ERBB4: variants seen among roughly 807,000 people sequenced by gnomAD.
ERBB4 encodes the protein receptor tyrosine-protein kinase erbB-4.
A neutral mutation model predicts 158.0 loss-of-function variants in ERBB4; 42 were observed. That is an observed-to-expected ratio of 0.27 (90% confidence interval 0.21 to 0.34). ERBB4 has a LOEUF of 0.34. ERBB4 is among the 10% of genes least tolerant of loss of function. ERBB4 has a pLI of 1.00. For synonymous variants in ERBB4, 583 were observed against 558.7 expected (o/e 1.04, Z -0.61); for missense variants, 1,333 against 1,624.1 (o/e 0.82, Z 3.08).
At chr2:211,574,167 T>C (rs1479766824) in intron 19 of ERBB4, among the ~76,000 whole-genome samples, 1 of 152,188 alleles carries the variant, frequency 6.6e-6, no homozygotes. Context: ...GGGTGAGTGG[T>C]CACTTTGATC....
chr2:212,053,723 G>T (rs1279882396), intron 2 of ERBB4, among the ~76,000 whole-genome samples: 1 of 151,954 alleles, frequency 6.6e-6, no homozygotes, highest in Admixed American at 6.6e-5. Context: ...TGTTAGCTCC[G>T]TGGACTCCCC....
intron 1 of ERBB4, among the ~76,000 whole-genome samples, chr2:212,143,734 T>C (rs138163229): frequency 9.7e-4 from 147 of 152,210 alleles, no homozygotes; most frequent in Middle Eastern, 6.8e-3. Flanking sequence ...GTTAATTAGA[T>C]CGGCTGGACA....
intron 12 of ERBB4, among the ~76,000 whole-genome samples, chr2:211,688,111 C>T (rs1197180552): frequency 6.6e-6 from 1 of 152,130 alleles, no homozygotes; most frequent in Non-Finnish European, 1.5e-5. Context: ...TTCGATTTAG[C>T]ATGACATCGT....
chr2:212,323,851 T>C (rs546241089), intron 1 of ERBB4, among the ~76,000 whole-genome samples: 2 of 126,198 alleles, frequency 1.6e-5, no homozygotes, highest in South Asian at 4.9e-4. Flanking sequence ...ATCTCAGAAA[T>C]CCATGGCTTT....
At chr2:212,352,932 C>T (rs989455283) in intron 1 of ERBB4, among the ~76,000 whole-genome samples, 2 of 151,866 alleles carry the variant, frequency 1.3e-5, no homozygotes, top group African/African-American at 4.8e-5. Flanking sequence ...AACAGTAGCA[C>T]AATTTTTTTT....
chr2:211,835,464 T>A (rs2077321250), intron 3 of ERBB4, among the ~76,000 whole-genome samples: 1 of 152,106 alleles, frequency 6.6e-6, no homozygotes, highest in African/African-American at 2.4e-5. Context: ...GGTTTAAAAT[T>A]TCTGTTGACT....
intron 4 of ERBB4, among the ~76,000 whole-genome samples, chr2:211,772,736 C>A (rs1421076419): frequency 1.4e-5 from 2 of 144,274 alleles, no homozygotes; most frequent in Non-Finnish European, 3.0e-5. Flanking sequence ...GTCTTGACCT[C>A]CTGGACTTAA....
rs542628659 is a variant in ERBB4, at chr2:211,483,490, G to A, written c.2488-52390C>T. On this transcript the variant is annotated intron_variant, in intron 20 of 27. Transcript: ENST00000342788. ...ATAAAAAAGACACATTATATAAATA[G>A]ATACATAAGAGTGACAGCACATTTC... 9.9e-5 allele frequency among the ~76,000 whole-genome samples: 15 copies of A among 152,124 alleles called. No individual in the cohort carries two copies. In the East Asian group the frequency reaches 2.9e-3, roughly 29 times the overall value.
chr2:212,079,392 A>G (rs1416483873), intron 2 of ERBB4, among the ~76,000 whole-genome samples: 1 of 152,078 alleles, frequency 6.6e-6, no homozygotes, highest in Non-Finnish European at 1.5e-5. Flanking sequence ...ACAAATATAT[A>G]TCCTACCAAA....
At chr2:212,295,517 TAC>T (rs2086379557) in intron 1 of ERBB4, among the ~76,000 whole-genome samples, 1 of 151,986 alleles carries the variant, frequency 6.6e-6, no homozygotes, top group Non-Finnish European at 1.5e-5. Context: ...TTCATACACA[TAC>T]ACACACACAA....
intron 2 of ERBB4, among the ~76,000 whole-genome samples, chr2:212,039,985 G>A (rs545270577): frequency 4.6e-5 from 7 of 151,570 alleles, no homozygotes; most frequent in African/African-American, 1.7e-4. Context: ...AACTACATAA[G>A]TACATATTTT....
intron 1 of ERBB4, among the ~76,000 whole-genome samples, chr2:212,246,067 G>C (rs759467689): frequency 1.3e-5 from 2 of 152,042 alleles, no homozygotes; most frequent in Non-Finnish European, 2.9e-5. Flanking sequence ...TATGGGAGCC[G>C]GCTTAGATAT....
At chr2:212,467,491 G>C (rs982907314) in intron 1 of ERBB4, among the ~76,000 whole-genome samples, 2 of 152,222 alleles carry the variant, frequency 1.3e-5, no homozygotes, top group African/African-American at 4.8e-5. Flanking sequence ...AGCTCAGGCT[G>C]TGACTTCAGA....
At chr2:211,394,312 A>G (rs2062866285) in intron 25 of ERBB4, among the ~76,000 whole-genome samples, 1 of 152,174 alleles carries the variant, frequency 6.6e-6, no homozygotes, top group Non-Finnish European at 1.5e-5. Flanking sequence ...ACCCTTCTTG[A>G]GATGAGTGAT....
intron 3 of ERBB4, among the ~76,000 whole-genome samples, chr2:211,902,563 G>T (rs971312805): frequency 3.3e-5 from 5 of 151,780 alleles, no homozygotes; most frequent in Non-Finnish European, 7.4e-5. Flanking sequence ...CTATTGAAAA[G>T]AAATAAATTT....
At chr2:212,479,229 GAC>G (rs1030483987) in intron 1 of ERBB4, among the ~76,000 whole-genome samples, 4 of 152,006 alleles carry the variant, frequency 2.6e-5, no homozygotes, top group Non-Finnish European at 5.9e-5. Flanking sequence ...CTGCCATGTT[GAC>G]AGACTCCCTT....
chr2:211,704,099 C>G lies in ERBB4; in HGVS notation c.1289+5G>C. 2 of 1,550,432 alleles carry G rather than the reference C, an allele frequency of 1.3e-6. No homozygotes were observed. Among genetic ancestry groups the G allele is most frequent in the Non-Finnish European group, 8.9e-7 (1 of 1,122,008 alleles). ...AGCCCTGCAGCTTTAAACATATCCA[C>G]TTACCTATAGAGTACTCTTCCACCA... On this transcript the variant is annotated splice_donor_5th_base_variant and intron_variant, in intron 11 of 27. Coordinates refer to ENST00000342788, the MANE Select transcript of ERBB4 (RefSeq NM_005235.3).
intron 5 of ERBB4, among the ~76,000 whole-genome samples, chr2:211,725,409 T>G (rs533752480): frequency 6.6e-6 from 1 of 152,288 alleles, no homozygotes; most frequent in South Asian, 2.1e-4. Flanking sequence ...TTTCAGCAAA[T>G]AATTACAATG....
chr2:211,880,607 G>A (rs890331200), intron 3 of ERBB4, among the ~76,000 whole-genome samples: 3 of 152,138 alleles, frequency 2.0e-5, no homozygotes, highest in African/African-American at 7.2e-5. Context: ...GTTATAACAT[G>A]TCTGAACAGG....
Sources: allele counts gnomAD v4.1 joint callset (sites outside exome capture counted in the v4.1 genomes callset), GRCh38; gene constraint gnomAD v4.1.1; transcripts MANE v1.5; gene names NCBI Gene and HGNC (gene_info 2026-07-23, HGNC 2026-07-21).